Variants in SLC35E4 observed in about 807,000 individuals in gnomAD.
SLC35E4 encodes the protein solute carrier family 35, member E4.
Under a neutral mutation model 19.3 loss-of-function variants are expected in SLC35E4, and 15 were observed. The observed-to-expected ratio is 0.78, with a 90% confidence interval of 0.52 to 1.20. SLC35E4 has a LOEUF of 1.20. SLC35E4 is among the 50% of genes most tolerant of loss of function. The pLI is 0.00. For missense variants in SLC35E4, 406 were observed against 472.3 expected (o/e 0.86, Z 1.30); for synonymous variants, 219 against 219.9 (o/e 1.00, Z 0.04).
chr22:30,661,449 T>TC (rs978485848), intron 2 of SLC35E4: 7 of 150,484 alleles, frequency 4.7e-5, no homozygotes, highest in Non-Finnish European at 7.4e-5. Flanking sequence ...TTTTTCTTTT[T>TC]TTTTTTTTTT....
chr22:30,643,903 G>A (rs1204299784), intron 1 of SLC35E4, among the ~76,000 whole-genome samples: 1 of 152,194 alleles, frequency 6.6e-6, no homozygotes, highest in Non-Finnish European at 1.5e-5. Flanking sequence ...TCCCCAGGTA[G>A]AAGCCAGTCA....
chr22:30,656,561 C>T (rs1265894448), intron 2 of SLC35E4, among the ~76,000 whole-genome samples: 1 of 152,160 alleles, frequency 6.6e-6, no homozygotes, highest in African/African-American at 2.4e-5. Context: ...GGCCTAGAAT[C>T]CCTGTTCTAA....
At chr22:30,659,999 C>G (rs2145601767) in intron 2 of SLC35E4, among the ~76,000 whole-genome samples, 1 of 152,294 alleles carries the variant, frequency 6.6e-6, no homozygotes, top group East Asian at 1.9e-4. Flanking sequence ...CAGCTGACAG[C>G]TAAGAAAACA....
In SLC35E4 at chr22:30,637,049, G is replaced by A; in HGVS notation, c.599G>A (p.Gly200Glu). 6.3e-7 allele frequency: 1 copy of A among 1,575,664 alleles called. No homozygotes were observed. Among genetic ancestry groups the A allele is most frequent in the Non-Finnish European group, 8.6e-7 (1 of 1,157,470 alleles). Residue 200 changes from glycine to glutamate, a missense_variant, in exon 1 of 2, where the codon GGA becomes GAA. Coordinates refer to ENST00000343605, the MANE Select transcript of SLC35E4 (RefSeq NM_001001479.4). ...CTGCTCGCAGCCACCTGCCTCCGCG[G>A]ACTCAAGTCGGTTCAGCAAAGTAAG... ...GFLLAATCLR[G>E]LKSVQQSALL...
At chr22:30,659,200 A>G (rs942937918) in intron 2 of SLC35E4, among the ~76,000 whole-genome samples, 1 of 151,794 alleles carries the variant, frequency 6.6e-6, no homozygotes, top group Non-Finnish European at 1.5e-5. Context: ...ACAGATGAGG[A>G]TCGAACCGAA....
chr22:30,667,231 GA>G (rs2088707438), downstream of SLC35E4: 1 of 152,216 alleles, frequency 6.6e-6, no homozygotes, highest in Non-Finnish European at 1.5e-5. Context: ...GACTTGTTCA[GA>G]ACGAGTCATA....
chr22:30,653,984 TG>T, intron 2 of SLC35E4: 1 of 149,272 alleles, frequency 6.7e-6, no homozygotes, highest in East Asian at 1.7e-4. Flanking sequence ...TTTGTTTTTT[TG>T]TTTTTTTTTT....
chr22:30,654,601 GC>G, intron 2 of SLC35E4: 1 of 465,132 alleles, frequency 2.1e-6, no homozygotes, highest in Non-Finnish European at 4.3e-6. Context: ...AGTGGTGGGG[GC>G]CCAGAAGTGG....
intron 2 of SLC35E4, chr22:30,661,444 C>CTTTTTTTTT (rs56242112): frequency 4.4e-5 from 6 of 136,478 alleles, no homozygotes; most frequent in Non-Finnish European, 7.7e-5. Context: ...TTTTCTTTTT[C>CTTTTTTTTT]TTTTTTTTTT....
rs117228880 is a variant in SLC35E4, at chr22:30,643,577, C to T, written c.620-3021C>T. Among the ~76,000 whole-genome samples the T allele has an allele frequency of 5.8e-3, 875 of 152,122 alleles. 15 individuals carry two copies. The highest frequency in any genetic ancestry group is 3.4e-3 in the Non-Finnish European group (232 of 67,986). ...GGCACAGGGTGTCAGCCAGCAGGAGCAGGGTGTGGGGATCATGCCAGCTGC... is the reference window on the plus strand; with the variant it reads ...GGCACAGGGTGTCAGCCAGCAGGAGTAGGGTGTGGGGATCATGCCAGCTGC... On this transcript the variant is annotated intron_variant, in intron 1 of 1. Coordinates refer to ENST00000343605, the MANE Select transcript of SLC35E4 (RefSeq NM_001001479.4).
At chr22:30,647,944 G>C (rs1380470325), downstream of SLC35E4, 2 of 152,248 alleles carry the variant, frequency 1.3e-5, no homozygotes, top group East Asian at 1.9e-4. Flanking sequence ...AGAGTGGTAG[G>C]CTTCCCACAC....
chr22:30,658,453 G>A (rs1316686256), intron 2 of SLC35E4, among the ~76,000 whole-genome samples: 2 of 151,722 alleles, frequency 1.3e-5, no homozygotes. Context: ...CTCTGACAAA[G>A]CGGAATCCTT....
chr22:30,654,986 T>C (rs1235958880), intron 2 of SLC35E4, among the ~76,000 whole-genome samples: 1 of 152,080 alleles, frequency 6.6e-6, no homozygotes, highest in Admixed American at 6.6e-5. Flanking sequence ...GCCCAAAGAA[T>C]AGAAAGAACC....
At chr22:30,660,624 T>C (rs917002738) in intron 2 of SLC35E4, among the ~76,000 whole-genome samples, 6 of 152,118 alleles carry the variant, frequency 3.9e-5, no homozygotes, top group Non-Finnish European at 8.8e-5. Context: ...TTCCCAGATA[T>C]CTGAAACACA....
chr22:30,661,137 G>A (rs1424642128), intron 2 of SLC35E4, among the ~76,000 whole-genome samples: 2 of 151,874 alleles, frequency 1.3e-5, no homozygotes, highest in East Asian at 1.9e-4. Context: ...CACCACGCCC[G>A]GCCTCAATTG....
At chr22:30,665,706 T>C, downstream of SLC35E4, 1 of 340,092 alleles carries the variant, frequency 2.9e-6, no homozygotes, top group South Asian at 2.4e-5. Flanking sequence ...ATTATTTGAT[T>C]AATGTCTGTC....
At chr22:30,657,101 G>A (rs2145596669) in intron 2 of SLC35E4, among the ~76,000 whole-genome samples, 2 of 152,190 alleles carry the variant, frequency 1.3e-5, no homozygotes, top group East Asian at 3.9e-4. Flanking sequence ...ATTGTGGCTG[G>A]ACCATATTTG....
downstream of SLC35E4, among the ~76,000 whole-genome samples, chr22:30,664,788 G>C (rs1196958827): frequency 6.6e-6 from 1 of 152,236 alleles, no homozygotes; most frequent in East Asian, 1.9e-4. Flanking sequence ...CCTGGGAAAG[G>C]GAGTGGCTGA....
At chr22:30,641,700 C>T (rs1023229749) in intron 1 of SLC35E4, among the ~76,000 whole-genome samples, 1 of 148,906 alleles carries the variant, frequency 6.7e-6, no homozygotes, top group African/African-American at 2.5e-5. Flanking sequence ...CTCATGCCAC[C>T]GTCCTGGCTA....
Sources: gnomAD v4.1 joint callset for allele counts (sites outside exome capture counted in the v4.1 genomes callset) on GRCh38, gnomAD v4.1.1 for gene constraint, MANE v1.5 for transcripts, NCBI Gene and HGNC (gene_info 2026-07-23, HGNC 2026-07-21) for gene names.